The following ALG9 variants were observed in gnomAD, a reference collection of about 807,000 sequenced individuals.
The protein encoded by ALG9 is ALG9 alpha-1,2-mannosyltransferase.
ALG9 carries 55 observed loss-of-function variants against 81.8 expected under a neutral mutation model. The ratio of observed to expected loss-of-function variants is 0.67; its 90% CI spans 0.54 to 0.84. The LOEUF is 0.84. Ranked by LOEUF, ALG9 falls within the 40% of genes least tolerant of loss-of-function variation. ALG9 has a pLI of 0.00. For synonymous variants in ALG9, 278 were observed against 274.3 expected (o/e 1.01, Z -0.13); for missense variants, 629 against 745.0 (o/e 0.84, Z 1.81).
At chr11:111,769,793 G>T in the ALG9 span, among the ~76,000 whole-genome samples, 2 of 152,094 alleles carry the variant, frequency 1.3e-5, no homozygotes, top group African/African-American at 4.8e-5. Context: ...ATACAAATAT[G>T]CTTTGCTTAC....
In ALG9 at chr11:111,853,712, C is replaced by T. The variant is rs1555141080; in HGVS notation, c.726G>A (p.Leu242=). ...AACTCTTCCACCTGTGTTTCATGAC[C>T]AGCAAATCAAAGGCAATGGGTAAAC... The part of the protein sequence containing the change: ...ALGLPIAFDL[L]VMKHRWKSFF... Residue 242 remains leucine, a synonymous_variant, in exon 7 of 15, where the codon CTG becomes CTA. Transcript: ENST00000616540. 1 of 1,614,040 alleles carries T rather than the reference C, an allele frequency of 6.2e-7. No homozygotes were observed. Among genetic ancestry groups the T allele is most frequent in the Non-Finnish European group, 8.5e-7 (1 of 1,179,968 alleles).
At chr11:111,837,232 A>G (rs782054728) in intron 12 of ALG9, among the ~76,000 whole-genome samples, 1 of 152,182 alleles carries the variant, frequency 6.6e-6, no homozygotes, top group Non-Finnish European at 1.5e-5. Flanking sequence ...GTCCCCAGAC[A>G]CCTGCAGTTA....
At chr11:111,780,596 C>T (rs552091034), downstream of ALG9, among the ~76,000 whole-genome samples, 19 of 151,966 alleles carry the variant, frequency 1.3e-4, no homozygotes, top group African/African-American at 3.9e-4. Flanking sequence ...GGGGTTTCAC[C>T]GTGTAGGCCA....
chr11:111,842,625 T>C (rs782766397), intron 9 of ALG9, among the ~76,000 whole-genome samples: 8 of 151,892 alleles, frequency 5.3e-5, no homozygotes, highest in Non-Finnish European at 8.8e-5. Context: ...GGTCTTGCTA[T>C]CTCACCCAGG....
chr11:111,808,272 C>A (rs142063578), intron 14 of ALG9, among the ~76,000 whole-genome samples: 5 of 152,142 alleles, frequency 3.3e-5, no homozygotes, highest in African/African-American at 1.2e-4. Context: ...TCTCCCCAAC[C>A]GTCCCTTCCT....
chr11:111,864,730 T>C (rs1278881863), intron 4 of ALG9, among the ~76,000 whole-genome samples: 9 of 152,058 alleles, frequency 5.9e-5, no homozygotes, highest in Admixed American at 5.2e-4. Flanking sequence ...AAAAAAAATA[T>C]GTATATGATA....
chr11:111,786,418 G>T lies in ALG9; in HGVS notation c.1836C>A (p.Ile612=). The change falls in exon 15 of 15, where the codon ATC becomes ATA. Residue 612 remains isoleucine (I), a synonymous_variant. Transcript: ENST00000616540. ...TILKPRKAKQ[I]RKKSGG ...GTTGCTAACCTCCACTTTTCTTCCT[G>T]ATTTGCTTTGCTTTCCGGGGTTTGA... 4 of 1,614,038 alleles carry T rather than the reference G, an allele frequency of 2.5e-6. No individual in the cohort carries two copies. Among genetic ancestry groups the T allele is most frequent in the Non-Finnish European group, 3.4e-6 (4 of 1,179,986 alleles).
chr11:111,840,581 T>G, intron 10 of ALG9, 74 bp downstream of exon 10: 2 of 1,556,516 alleles, frequency 1.3e-6, no homozygotes, highest in Admixed American at 3.3e-5. Context: ...TTCTGTAATT[T>G]GCACTTAAGT....
intron 14 of ALG9, among the ~76,000 whole-genome samples, chr11:111,808,482 G>C (rs561782778): frequency 1.3e-5 from 2 of 152,308 alleles, no homozygotes; most frequent in South Asian, 4.1e-4. Context: ...CTGGATTCTT[G>C]CTTACTCGTG....
At chr11:111,870,448 T>G in intron 1 of ALG9, 78 bp from the exon 2 acceptor site, 1 of 1,457,674 alleles carries the variant, frequency 6.9e-7, no homozygotes, top group Non-Finnish European at 9.0e-7. Flanking sequence ...TAAATCTAGA[T>G]AGAAAGGACA....
intron 1 of ALG9, chr11:111,870,981 G>A (rs1592466027): frequency 4.9e-6 from 5 of 1,022,656 alleles, no homozygotes; most frequent in Non-Finnish European, 4.7e-6. Flanking sequence ...TGGCGGGTTG[G>A]ATGGGCCCAG....
chr11:111,813,462 CATGGTGGTG>C (rs1951031807), intron 13 of ALG9, among the ~76,000 whole-genome samples: 1 of 152,048 alleles, frequency 6.6e-6, no homozygotes, highest in Non-Finnish European at 1.5e-5. Flanking sequence ...ATTAGCTGGG[CATGGTGGTG>C]CACACCTGTG....
intron 13 of ALG9, among the ~76,000 whole-genome samples, chr11:111,832,337 C>T (rs1555113933): frequency 6.6e-6 from 1 of 152,084 alleles, no homozygotes; most frequent in Non-Finnish European, 1.5e-5. Flanking sequence ...AGTGTAGTGG[C>T]ATGACTGTAG....
At chr11:111,812,169 TATA>T (rs1286367838) in intron 13 of ALG9, among the ~76,000 whole-genome samples, 1 of 152,212 alleles carries the variant, frequency 6.6e-6, no homozygotes, top group Non-Finnish European at 1.5e-5. Context: ...ATAAATTAAA[TATA>T]ATGTCAATCA....
downstream of ALG9, chr11:111,778,381 AG>A (rs1167501843): frequency 2.6e-5 from 4 of 152,222 alleles, no homozygotes; most frequent in African/African-American, 9.7e-5. Context: ...CTGAGATGAG[AG>A]GATCAATGGG....
At chr11:111,839,631 A>G (rs1389719940) in intron 10 of ALG9, among the ~76,000 whole-genome samples, 3 of 150,342 alleles carry the variant, frequency 2.0e-5, no homozygotes, top group Non-Finnish European at 4.4e-5. Flanking sequence ...TTACATGTAT[A>G]CTTATTATTA....
In ALG9 at chr11:111,813,095, G is replaced by A. The variant is rs554228410; in HGVS notation, c.1603-3322C>T. Among the ~76,000 whole-genome samples, 4 of 151,642 alleles carry A rather than the reference G, an allele frequency of 2.6e-5. No homozygotes were observed. The East Asian group carries it at 7.7e-4, about 29-fold the overall frequency. On this transcript the variant is annotated intron_variant, in intron 13 of 14. Transcript: ENST00000616540. ...GTGTAGACAACTGGATATCCCTTAG[G>A]GGAAAAATGAAATTGAACTTTAACC... is the stretch of plus-strand genomic sequence containing the variant.
At chr11:111,778,241 G>C (rs1555055833), downstream of ALG9, 1 of 152,142 alleles carries the variant, frequency 6.6e-6, no homozygotes, top group Admixed American at 6.5e-5. Flanking sequence ...TTCCTGAAGG[G>C]CAAGTCGGCC....
rs1324062430 is a variant in ALG9, at chr11:111,838,347, CG to C, written c.1225del (p.Arg409AlafsTer7). 1 of 1,613,480 alleles carries C rather than the reference CG, an allele frequency of 6.2e-7. No individual in the cohort carries two copies. Among genetic ancestry groups the C allele is most frequent in the East Asian group, 2.2e-5 (1 of 44,878 alleles). ...KCYHFVFQRYRLEHYTVTSNW... is the reference protein window; with the variant it reads ...KCYHFVFQRYXLEHYTVTSNW... ...CGATGTCACAGTATAGTGCTCCAGG[CG>C]ATATCGTTGAAACACAAAGTGGTAA... On this transcript the variant is annotated frameshift_variant, in exon 11 of 15. Coordinates refer to ENST00000616540, the MANE Select transcript of ALG9 (RefSeq NM_024740.2). LOFTEE classifies it high-confidence loss of function.
Sources: allele counts gnomAD v4.1 joint callset (sites outside exome capture counted in the v4.1 genomes callset), GRCh38; gene constraint gnomAD v4.1.1; transcripts MANE v1.5; gene names NCBI Gene and HGNC (gene_info 2026-07-23, HGNC 2026-07-21).